Variants in PBX3 observed in about 807,000 individuals in gnomAD.
PBX3 encodes PBX homeobox 3, also known as pre-B-cell leukemia transcription factor 3.
Under a neutral mutation model 48.5 loss-of-function variants are expected in PBX3, and 14 were observed. The observed-to-expected ratio is 0.29, with a 90% CI of 0.19 to 0.45. The LOEUF (loss-of-function observed/expected upper bound fraction) is 0.45, where lower values mean the gene tolerates loss of function less well. PBX3 is among the 20% of genes least tolerant of loss of function. The probability of loss-of-function intolerance (pLI) is 1.00; values close to 1 mark genes in which losing one functional copy is unlikely to be tolerated. For synonymous variants in PBX3, 210 were observed against 200.3 expected, an observed-to-expected ratio of 1.05 and a Z score of -0.41; for missense variants, 386 against 546.7, an observed-to-expected ratio of 0.71 and a Z score of 2.93.
rs1838372698 is a variant in PBX3, at chr9:125,813,870, A to G, written c.274+65247A>G. Among the ~76,000 whole-genome samples, 3 of 150,966 alleles carry G rather than the reference A, an allele frequency of 2.0e-5. No individual in the cohort carries two copies. In the South Asian group the frequency reaches 6.4e-4, roughly 32 times the overall value. The stretch of plus-strand genomic sequence containing the variant: ...AAAAGATCTAGAGAAATACATACAT[A>G]AACACGTATGTCGGCCGGGCACGGT... On this transcript the variant is annotated intron_variant, in intron 2 of 8. Transcript: ENST00000373489.
At chr9:125,916,126 T>A (rs1275459137) in intron 3 of PBX3, among the ~76,000 whole-genome samples, 199 bp downstream of exon 3, 1 of 152,324 alleles carries the variant, frequency 6.6e-6, no homozygotes, top group South Asian at 2.1e-4. Context: ...GAGCGCTACC[T>A]ATTTTATCCC....
chr9:125,901,028 G>T (rs1375510985), intron 2 of PBX3, among the ~76,000 whole-genome samples: 1 of 151,722 alleles, frequency 6.6e-6, no homozygotes, highest in African/African-American at 2.4e-5. Context: ...ATACCTTTTA[G>T]AAGCTTATTT....
chr9:125,896,389 C>T (rs1365582980), intron 2 of PBX3, among the ~76,000 whole-genome samples: 1 of 152,006 alleles, frequency 6.6e-6, no homozygotes, highest in Non-Finnish European at 1.5e-5. Flanking sequence ...AATTATGTTG[C>T]CTACCAGGCA....
chr9:125,886,360 A>G (rs1353420959), intron 2 of PBX3, among the ~76,000 whole-genome samples: 1 of 152,122 alleles, frequency 6.6e-6, no homozygotes, highest in African/African-American at 2.4e-5. Context: ...AGAGATTTTT[A>G]TCAGGTTTTT....
At chr9:125,818,521 T>G (rs1341287846) in intron 2 of PBX3, among the ~76,000 whole-genome samples, 1 of 151,988 alleles carries the variant, frequency 6.6e-6, no homozygotes, top group Non-Finnish European at 1.5e-5. Flanking sequence ...TAATTTTTTT[T>G]GTATTTTTAG....
intron 2 of PBX3, among the ~76,000 whole-genome samples, chr9:125,766,484 TA>T (rs1836803125): frequency 6.6e-6 from 1 of 152,134 alleles, no homozygotes; most frequent in African/African-American, 2.4e-5. Context: ...AAAACTATGA[TA>T]ATAAGCACTC....
chr9:125,888,995 T>C (rs1840569553), intron 2 of PBX3, among the ~76,000 whole-genome samples: 1 of 152,162 alleles, frequency 6.6e-6, no homozygotes, highest in Non-Finnish European at 1.5e-5. Flanking sequence ...GCTTTGGGAA[T>C]TTACTCTTTT....
At chr9:125,790,876 A>G (rs1442779699) in intron 2 of PBX3, among the ~76,000 whole-genome samples, 2 of 151,468 alleles carry the variant, frequency 1.3e-5, no homozygotes, top group Non-Finnish European at 2.9e-5. Context: ...AGTCTTTATA[A>G]TTATTACCAC....
At chr9:125,958,424 A>C (rs761893907) in intron 5 of PBX3, among the ~76,000 whole-genome samples, 1 of 152,222 alleles carries the variant, frequency 6.6e-6, no homozygotes, top group Non-Finnish European at 1.5e-5. Context: ...AAGAAGGCTA[A>C]TAGTAGGATG....
intron 2 of PBX3, among the ~76,000 whole-genome samples, chr9:125,837,234 G>C (rs1026678428): frequency 3.3e-5 from 5 of 151,888 alleles, no homozygotes; most frequent in Non-Finnish European, 7.4e-5. Context: ...TACAGAACCA[G>C]TTTACAAGCT....
intron 2 of PBX3, among the ~76,000 whole-genome samples, chr9:125,821,378 G>A (rs936007011): frequency 6.6e-6 from 1 of 151,974 alleles, no homozygotes; most frequent in Non-Finnish European, 1.5e-5. Flanking sequence ...TTTTCTAATT[G>A]TATCTTAAGA....
At chr9:125,770,783 A>T (rs2416972) in intron 2 of PBX3, among the ~76,000 whole-genome samples, 5,480 of 152,304 alleles carry the variant, frequency 0.036, 342 homozygotes, top group African/African-American at 0.12. Context: ...ATTTGACAAC[A>T]TTAGCAACAT....
intron 6 of PBX3, 122 bp downstream of exon 6, chr9:125,960,971 T>C: frequency 2.7e-6 from 2 of 752,416 alleles, no homozygotes; most frequent in South Asian, 4.6e-5. Flanking sequence ...GGAAGATTTA[T>C]GTTCAAATGC....
Position 125,747,506 on chromosome 9 carries a change from G to T in PBX3, c.53G>T (p.Gly18Val). ...LQTLAGVNLA[G>V]HSVQGGMALP... ...ACTCTGGCCGGGGTGAACCTGGCTG[G>T]CCACTCGGTGCAGGGGGGCATGGCC... is the stretch of plus-strand genomic sequence containing the variant. Residue 18 changes from glycine to valine, a missense_variant, in exon 1 of 9, where the codon GGC becomes GTC. This residue lies in a region of PBX3 where 116 missense variants were observed against 98.2 expected (regional missense o/e 1.18). Transcript: ENST00000373489. The T allele has an allele frequency of 6.3e-7, 1 of 1,587,738 alleles. No homozygotes were observed. Among genetic ancestry groups the T allele is most frequent in the Non-Finnish European group, 8.6e-7 (1 of 1,168,422 alleles).
At chr9:125,835,107 A>G (rs1320455303) in intron 2 of PBX3, among the ~76,000 whole-genome samples, 1 of 151,416 alleles carries the variant, frequency 6.6e-6, no homozygotes, top group African/African-American at 2.4e-5. Flanking sequence ...TAACTCTTAA[A>G]TGTTGGAAAA....
intron 2 of PBX3, among the ~76,000 whole-genome samples, chr9:125,819,544 T>A (rs1272054830): frequency 6.6e-6 from 1 of 151,726 alleles, no homozygotes. Context: ...GAAAAAAAAA[T>A]TCAATTCTAG....
intron 2 of PBX3, among the ~76,000 whole-genome samples, chr9:125,789,409 G>A (rs1837540610): frequency 6.6e-6 from 1 of 152,126 alleles, no homozygotes; most frequent in Non-Finnish European, 1.5e-5. Context: ...CTTGGGGGAG[G>A]GTTTGCCTCT....
chr9:125,940,845 G>A lies in PBX3; in HGVS notation c.843+5238G>A, dbSNP rs576389397. Among the ~76,000 whole-genome samples, 4 of 152,326 alleles carry A rather than the reference G, an allele frequency of 2.6e-5. No individual in the cohort carries two copies. In the South Asian group the frequency reaches 8.3e-4, roughly 32 times the overall value. On this transcript the variant is annotated intron_variant, in intron 5 of 8. Transcript: ENST00000373489. ...GTTATTTTTGGGGGAATGGTGATTG[G>A]AAGGAGGAAGAACTATTTCTTGATC...
chr9:125,793,357 GAAA>G (rs374195121), intron 2 of PBX3, among the ~76,000 whole-genome samples: 4 of 109,068 alleles, frequency 3.7e-5, no homozygotes, highest in East Asian at 2.8e-4. Flanking sequence ...ATTTGGGGGG[GAAA>G]AAAAAAATAT....
Sources: allele counts gnomAD v4.1 joint callset (sites outside exome capture counted in the v4.1 genomes callset), GRCh38; gene constraint gnomAD v4.1.1; regional missense constraint gnomAD v4.1.1; transcripts MANE v1.5; gene names NCBI Gene and HGNC (gene_info 2026-07-23, HGNC 2026-07-21).